Variants in OXR1 observed in about 807,000 individuals in gnomAD.
OXR1 encodes the protein oxidation resistance protein 1.
In OXR1, 41 loss-of-function variants were observed where a neutral mutation model predicts 104.6. The observed-to-expected ratio is 0.39, with a 90% CI of 0.31 to 0.51. The LOEUF (loss-of-function observed/expected upper bound fraction) is 0.51, where lower values mean the gene tolerates loss of function less well. OXR1 is among the 20% of genes least tolerant of loss of function. OXR1 has a pLI of 0.77. For missense variants in OXR1, 955 were observed against 1,031.9 expected, an observed-to-expected ratio of 0.93 and a Z score of 1.02; for synonymous variants, 348 against 348.4, an observed-to-expected ratio of 1.00 and a Z score of 0.01.
intron 16 of OXR1, among the ~76,000 whole-genome samples, chr8:106,750,406 A>G (rs1267622378): frequency 3.4e-5 from 5 of 148,948 alleles, no homozygotes; most frequent in East Asian, 2.0e-4. Flanking sequence ...GCTCATTGCA[A>G]CCTCCGCCTC....
chr8:106,473,586 G>GT (rs2129667061), intron 2 of OXR1, among the ~76,000 whole-genome samples: 1 of 151,884 alleles, frequency 6.6e-6, no homozygotes, highest in South Asian at 2.1e-4. Flanking sequence ...GCGTATGTCT[G>GT]TTTTCTAAAA....
chr8:106,281,652 TAGCC>T (rs1812287637), intron 1 of OXR1, among the ~76,000 whole-genome samples: 1 of 151,922 alleles, frequency 6.6e-6, no homozygotes, highest in Non-Finnish European at 1.5e-5. Context: ...ATATAAAAAT[TAGCC>T]GGGTGCACTG....
chr8:106,543,728 C>A (rs955837084), intron 3 of OXR1, among the ~76,000 whole-genome samples: 21 of 152,136 alleles, frequency 1.4e-4, no homozygotes, highest in Non-Finnish European at 2.8e-4. Flanking sequence ...CCAGAAATGT[C>A]AATATGGCAG....
chr8:106,472,311 G>GT (rs113167894), intron 2 of OXR1, among the ~76,000 whole-genome samples: 5 of 151,810 alleles, frequency 3.3e-5, no homozygotes, highest in East Asian at 2.0e-4. Context: ...TTTGGGGCTG[G>GT]TTTTTTTCCC....
intron 2 of OXR1, among the ~76,000 whole-genome samples, chr8:106,498,818 G>C (rs1043328926): frequency 3.3e-5 from 5 of 152,218 alleles, no homozygotes; most frequent in Middle Eastern, 3.4e-3. Flanking sequence ...TCATCTCATC[G>C]TCTTATATAA....
At chr8:106,484,003 C>T (rs949328420) in intron 2 of OXR1, among the ~76,000 whole-genome samples, 1 of 151,892 alleles carries the variant, frequency 6.6e-6, no homozygotes, top group African/African-American at 2.4e-5. Flanking sequence ...ATCTAGATTC[C>T]CTTGGGTATG....
Position 106,715,078 on chromosome 8 carries a change from A to G in OXR1, c.1956+1093A>G, listed in dbSNP as rs1832100609. ...CCCCAAATTGGAAAGTCTCATTAGC[A>G]GGAGAATGGATGAATACATTTTTGA... is the stretch of plus-strand genomic sequence containing the variant. On this transcript the variant is annotated intron_variant, in intron 11 of 16. Coordinates refer to ENST00000517566, the MANE Select transcript of OXR1 (RefSeq NM_001198533.2). Among the ~76,000 whole-genome samples the G allele has an allele frequency of 2.0e-5, 3 of 152,260 alleles. No individual in the cohort carries two copies. The East Asian group carries it at 5.8e-4, about 29-fold the overall frequency.
chr8:106,434,800 G>A (rs1403297247), intron 2 of OXR1, among the ~76,000 whole-genome samples: 1 of 152,192 alleles, frequency 6.6e-6, no homozygotes, highest in African/African-American at 2.4e-5. Context: ...TCTGTAATTA[G>A]TGCCTACTAG....
At chr8:106,739,691 A>G (rs557411885) in intron 13 of OXR1, 108 bp downstream of exon 13, 28 of 987,822 alleles carry the variant, frequency 2.8e-5, no homozygotes, top group South Asian at 1.5e-4. Context: ...TGCTATTACT[A>G]TTCCACTCCA....
At chr8:106,519,550 C>T (rs1813108971) in intron 3 of OXR1, among the ~76,000 whole-genome samples, 1 of 152,144 alleles carries the variant, frequency 6.6e-6, no homozygotes, top group Non-Finnish European at 1.5e-5. Flanking sequence ...GGTCTCTGAA[C>T]CTGTTCCGTC....
intron 2 of OXR1, among the ~76,000 whole-genome samples, chr8:106,515,766 T>C (rs771949621): frequency 3.3e-5 from 5 of 152,166 alleles, no homozygotes; most frequent in Non-Finnish European, 7.4e-5. Flanking sequence ...AATGGTGTTA[T>C]TGGGAGGAAC....
chr8:106,384,731 CTT>C (rs66711083), intron 2 of OXR1, among the ~76,000 whole-genome samples: 100 of 142,120 alleles, frequency 7.0e-4, no homozygotes, highest in Admixed American at 2.1e-3. Flanking sequence ...TTTCTTTTTT[CTT>C]TTTTTTTTTT....
chr8:106,295,022 T>C (rs1234115424), intron 1 of OXR1, among the ~76,000 whole-genome samples: 1 of 152,206 alleles, frequency 6.6e-6, no homozygotes, highest in Non-Finnish European at 1.5e-5. Context: ...GAAGGAAGAC[T>C]GTGTCTTATA....
intron 3 of OXR1, among the ~76,000 whole-genome samples, chr8:106,537,013 T>C (rs1045366932): frequency 2.6e-5 from 4 of 152,170 alleles, no homozygotes; most frequent in Non-Finnish European, 5.9e-5. Context: ...TTTTCAGTTC[T>C]GGAGGCTGGA....
At chr8:106,720,676 A>G in intron 11 of OXR1, 2 of 948,746 alleles carry the variant, frequency 2.1e-6, no homozygotes, top group South Asian at 9.7e-5. Flanking sequence ...TACATACCAC[A>G]GGACTTCCAT....
chr8:106,401,461 G>A (rs534100913), intron 2 of OXR1, among the ~76,000 whole-genome samples: 1 of 152,244 alleles, frequency 6.6e-6, no homozygotes, highest in African/African-American at 2.4e-5. Context: ...GGCCTGCACT[G>A]TGATTCACCT....
intron 3 of OXR1, among the ~76,000 whole-genome samples, chr8:106,587,374 A>T (rs549175248): frequency 6.6e-6 from 1 of 152,188 alleles, no homozygotes; most frequent in Non-Finnish European, 1.5e-5. Flanking sequence ...GCGTGAAATT[A>T]TCCTCTAGGA....
At chr8:106,743,068 A>C (rs1378142595) in intron 15 of OXR1, among the ~76,000 whole-genome samples, 1 of 152,194 alleles carries the variant, frequency 6.6e-6, no homozygotes, top group Non-Finnish European at 1.5e-5. Context: ...AATATCCAGA[A>C]TCTACAAGGA....
At chr8:106,549,608 T>A (rs1424953413) in intron 3 of OXR1, among the ~76,000 whole-genome samples, 7 of 152,170 alleles carry the variant, frequency 4.6e-5, no homozygotes, top group Non-Finnish European at 2.9e-5. Flanking sequence ...ACAACAGAAA[T>A]GTATTTTTCA....
Sources: allele counts gnomAD v4.1 joint callset (sites outside exome capture counted in the v4.1 genomes callset), GRCh38; gene constraint gnomAD v4.1.1; transcripts MANE v1.5; gene names NCBI Gene and HGNC (gene_info 2026-07-23, HGNC 2026-07-21).